SPAG16: variants seen among roughly 807,000 people sequenced by gnomAD.
The protein encoded by SPAG16 is sperm associated antigen 16.
SPAG16 carries 86 observed loss-of-function variants against 80.4 expected under a neutral mutation model. The ratio of observed to expected loss-of-function variants is 1.07; its 90% CI spans 0.90 to 1.28. The LOEUF (loss-of-function observed/expected upper bound fraction) is 1.28, where lower values mean the gene tolerates loss of function less well. Ranked by LOEUF, SPAG16 falls within the 50% of genes most tolerant of loss-of-function variation. SPAG16 has a pLI of 0.00. For missense variants in SPAG16, 870 were observed against 765.3 expected, an observed-to-expected ratio of 1.14 and a Z score of -1.61; for synonymous variants, 294 against 265.9, an observed-to-expected ratio of 1.11 and a Z score of -1.03.
chr2:214,203,978 TACCGTTGTGGGGGC>T (rs2058078121), intron 15 of SPAG16, among the ~76,000 whole-genome samples: 2 of 152,140 alleles, frequency 1.3e-5, no homozygotes, highest in Admixed American at 6.5e-5. Context: ...ACAAACTCAG[TACCGTTGTGGGGGC>T]ACAGTGGGAG....
At chr2:213,351,361 A>G (rs1328039997) in intron 7 of SPAG16, among the ~76,000 whole-genome samples, 1 of 152,130 alleles carries the variant, frequency 6.6e-6, no homozygotes, top group African/African-American at 2.4e-5. Context: ...AAGACATACC[A>G]TTTAAGATTG....
rs558399090 is a variant in SPAG16 at position 213,794,716 on chromosome 2, T to C, written c.1071-67769T>C. Reference sequence around the variant, plus strand: ...TTATTTAGTAACTTTTACAGCATTATCACTTTGATCTTAACAATAACTCTT... The same window carrying C: ...TTATTTAGTAACTTTTACAGCATTACCACTTTGATCTTAACAATAACTCTT... On this transcript the variant is annotated intron_variant, in intron 10 of 15. Coordinates refer to ENST00000331683, the MANE Select transcript of SPAG16 (RefSeq NM_024532.5). 8.6e-4 allele frequency among the ~76,000 whole-genome samples: 131 copies of C among 151,740 alleles called. 1 individual carries two copies. Among genetic ancestry groups the C allele is most frequent in the Non-Finnish European group, 1.5e-3 (100 of 67,860 alleles).
intron 10 of SPAG16, among the ~76,000 whole-genome samples, chr2:213,500,514 C>CA (rs2074695314): frequency 6.6e-6 from 1 of 152,136 alleles, no homozygotes; most frequent in Non-Finnish European, 1.5e-5. Flanking sequence ...TTCACGCATT[C>CA]AATGGTTGTA....
intron 10 of SPAG16, among the ~76,000 whole-genome samples, chr2:213,861,241 A>G (rs916750785): frequency 6.6e-6 from 1 of 152,198 alleles, no homozygotes; most frequent in Non-Finnish European, 1.5e-5. Flanking sequence ...AAAACTGTGT[A>G]GGTCTAATTT....
rs188405845 is a variant in SPAG16, at chr2:214,122,826, T to A, written c.1593+14565T>A. ...GTGTGGTGAAAAACACTAAAGCAGG[T>A]TCTGTCTATCCAAGGAAATTGGAAA... is the stretch of plus-strand genomic sequence containing the variant. On this transcript the variant is annotated intron_variant, in intron 14 of 15. Coordinates refer to ENST00000331683, the MANE Select transcript of SPAG16 (RefSeq NM_024532.5). Among the ~76,000 whole-genome samples, 405 of 152,012 alleles carry A rather than the reference T, an allele frequency of 2.7e-3. 3 individuals carry two copies. Among genetic ancestry groups the A allele is most frequent in the Middle Eastern group, 6.8e-3 (2 of 294 alleles).
chr2:213,567,285 GGTTA>G (rs1376896738), intron 10 of SPAG16, among the ~76,000 whole-genome samples: 9 of 139,502 alleles, frequency 6.5e-5, no homozygotes, highest in African/African-American at 2.5e-4. Flanking sequence ...ACATTGTGCA[GGTTA>G]GTTACATATG....
At chr2:213,686,451 A>G (rs1009066961) in intron 10 of SPAG16, among the ~76,000 whole-genome samples, 3 of 151,632 alleles carry the variant, frequency 2.0e-5, no homozygotes, top group African/African-American at 7.3e-5. Context: ...TCTGAAATTT[A>G]TTTTTCTTAT....
At chr2:213,696,888 G>A (rs1021220581) in intron 10 of SPAG16, among the ~76,000 whole-genome samples, 2 of 152,148 alleles carry the variant, frequency 1.3e-5, no homozygotes, top group Non-Finnish European at 2.9e-5. Context: ...AATAGTAGCT[G>A]GAAGAGAATG....
chr2:213,284,734 C>G (rs2061991349), intron 1 of SPAG16, 115 bp downstream of exon 1: 22 of 1,391,384 alleles, frequency 1.6e-5, no homozygotes, highest in Non-Finnish European at 2.1e-5. Flanking sequence ...TCCGGAGGAG[C>G]CTCTGTTGGA....
chr2:213,549,195 CTATAA>C (rs1035684831), intron 10 of SPAG16, among the ~76,000 whole-genome samples: 124 of 151,868 alleles, frequency 8.2e-4, no homozygotes, highest in African/African-American at 2.7e-3. Flanking sequence ...TCAAAAAGAC[CTATAA>C]TATAACATTC....
chr2:213,987,414 G>A (rs2046067454), intron 12 of SPAG16, among the ~76,000 whole-genome samples: 1 of 152,022 alleles, frequency 6.6e-6, no homozygotes, highest in African/African-American at 2.4e-5. Flanking sequence ...AATGGTCCAT[G>A]CTACCTATGC....
intron 10 of SPAG16, among the ~76,000 whole-genome samples, chr2:213,673,583 A>G (rs1219759322): frequency 6.6e-6 from 1 of 152,230 alleles, no homozygotes; most frequent in Non-Finnish European, 1.5e-5. Context: ...ACATTGCAGA[A>G]GAGGATACAC....
At chr2:213,492,895 G>A (rs1045982815) in intron 10 of SPAG16, among the ~76,000 whole-genome samples, 3 of 152,076 alleles carry the variant, frequency 2.0e-5, no homozygotes, top group Admixed American at 6.5e-5. Flanking sequence ...TTCAGCTGCT[G>A]TATACACACA....
chr2:213,308,844 G>A (rs1036619765), intron 3 of SPAG16, among the ~76,000 whole-genome samples: 12 of 151,996 alleles, frequency 7.9e-5, no homozygotes, highest in African/African-American at 2.4e-4. Flanking sequence ...ATGCTATGTG[G>A]CTCAGGCCAC....
At chr2:214,172,612 AC>A (rs1463788680) in intron 15 of SPAG16, among the ~76,000 whole-genome samples, 3 of 152,056 alleles carry the variant, frequency 2.0e-5, no homozygotes, top group Non-Finnish European at 4.4e-5. Flanking sequence ...TTGGGTATAT[AC>A]CCAGTAGTGG....
rs61178108 is a variant in SPAG16, at chr2:213,514,111, T to C, written c.1070+24021T>C. 2.6e-3 allele frequency among the ~76,000 whole-genome samples: 396 copies of C among 152,256 alleles called. 5 individuals are homozygous for C. The highest frequency in any genetic ancestry group is 8.8e-3 in the African/African-American group (364 of 41,560). ...AAGAGAGTAGAGAGTTTTGAAAAGA[T>C]GGAGTGCCCAAACAGGATTATAATG... is the stretch of plus-strand genomic sequence containing the variant. On this transcript the variant is annotated intron_variant, in intron 10 of 15. Transcript: ENST00000331683.
intron 15 of SPAG16, among the ~76,000 whole-genome samples, chr2:214,203,467 C>G (rs1452589432): frequency 1.3e-5 from 2 of 152,090 alleles, no homozygotes; most frequent in South Asian, 4.1e-4. Context: ...CTGCTGCAGG[C>G]CCTGGGAGAC....
Position 213,937,268 on chromosome 2 carries a change from G to T in SPAG16, c.1400+7123G>T, listed in dbSNP as rs910111339. On this transcript the variant is annotated intron_variant, in intron 12 of 15. Coordinates refer to ENST00000331683, the MANE Select transcript of SPAG16 (RefSeq NM_024532.5). The stretch of plus-strand genomic sequence containing the variant: ...ATTAATGGGTTTAAAACACGATAAT[G>T]TAAGAAGAAGTATTAAGACTCAAGG... 3.3e-5 allele frequency among the ~76,000 whole-genome samples: 5 copies of T among 152,154 alleles called. No individual in the cohort carries two copies. The East Asian group carries it at 9.6e-4, about 29-fold the overall frequency.
At chr2:213,486,867 T>C (rs2074002404) in intron 9 of SPAG16, among the ~76,000 whole-genome samples, 1 of 152,066 alleles carries the variant, frequency 6.6e-6, no homozygotes. Flanking sequence ...ATGCCACTAG[T>C]TGCAGAAATA....
Sources: gnomAD v4.1 joint callset for allele counts (sites outside exome capture counted in the v4.1 genomes callset) on GRCh38, gnomAD v4.1.1 for gene constraint, MANE v1.5 for transcripts, NCBI Gene and HGNC (gene_info 2026-07-23, HGNC 2026-07-21) for gene names.